The following ZNF518A variants were observed in gnomAD, a reference collection of about 807,000 sequenced individuals.
The protein encoded by ZNF518A is zinc finger protein 518A, also known as zinc finger protein 518.
Under a neutral mutation model 102.7 loss-of-function variants are expected in ZNF518A, and 47 were observed. That is an observed-to-expected ratio of 0.46 (90% confidence interval 0.36 to 0.58). The LOEUF is 0.58. Among genes scored for constraint, ZNF518A ranks in the 20% least tolerant of loss-of-function variants. The pLI is 0.00. For synonymous variants in ZNF518A, 652 were observed against 594.6 expected, an observed-to-expected ratio of 1.10 and a Z score of -1.40; for missense variants, 1,793 against 1,699.8, an observed-to-expected ratio of 1.05 and a Z score of -0.96.
intron 3 of ZNF518A, among the ~76,000 whole-genome samples, chr10:96,153,400 G>T (rs587602882): frequency 1.1e-3 from 167 of 152,258 alleles, no homozygotes; most frequent in South Asian, 4.6e-3. Context: ...ATCCAGTCAA[G>T]TTGATACCTA....
chr10:96,135,898 A>C (rs1554874258), intron 3 of ZNF518A, among the ~76,000 whole-genome samples: 2 of 152,226 alleles, frequency 1.3e-5, no homozygotes, highest in East Asian at 3.8e-4. Flanking sequence ...CCCATTTAGG[A>C]AGATTTCCTG....
At chr10:96,197,081 A>G in intron 1 of ZNF518A, 1 of 1,599,946 alleles carries the variant, frequency 6.3e-7, no homozygotes, top group Non-Finnish European at 8.5e-7. Flanking sequence ...ATTTTTTTTA[A>G]AAAACATAAT....
intron 1 of ZNF518A, among the ~76,000 whole-genome samples, chr10:96,175,344 C>T (rs2083196785): frequency 6.6e-6 from 1 of 152,232 alleles, no homozygotes; most frequent in Non-Finnish European, 1.5e-5. Context: ...TACATACCCA[C>T]AGGATGGGTC....
At chr10:96,205,161 C>T (rs2083764136), downstream of ZNF518A, 1 of 159,608 alleles carries the variant, frequency 6.3e-6, no homozygotes, top group African/African-American at 2.4e-5. Flanking sequence ...ACTTGCATTT[C>T]AGTGTTTTCC....
chr10:96,197,568 G>A (rs11188660), intron 1 of ZNF518A, among the ~76,000 whole-genome samples: 48,322 of 151,978 alleles, frequency 0.32, 8,883 homozygotes, highest in East Asian at 0.66. Context: ...GGACTCTCTT[G>A]AACTGGGAAC....
chr10:96,166,201 G>A (rs1335783177), downstream of ZNF518A, among the ~76,000 whole-genome samples: 3 of 152,160 alleles, frequency 2.0e-5, no homozygotes, highest in South Asian at 2.1e-4. Context: ...TGGATTGTGC[G>A]TCAATCACAT....
Position 96,158,928 on chromosome 10 carries a change from C to T in ZNF518A, c.2606C>T (p.Pro869Leu), listed in dbSNP as rs2082850170. ...FGKEKQVSSI[P>L]QDVRDSEKMP... ...AAAGAAAAACAAGTGTCATCAATAC[C>T]ACAAGATGTGAGAGATTCAGAGAAG... Residue 869 changes from proline to leucine, a missense_variant, in exon 6 of 6, where the codon CCA (proline) becomes CTA (leucine). Physicochemically the swap from Pro to Leu is moderately conservative, Grantham distance 98. Around this residue, in one of 3 missense-constraint regions of ZNF518A, gnomAD observed 1,741 missense variants for 1,622.6 expected, o/e 1.07. Coordinates refer to ENST00000316045, the MANE Select transcript of ZNF518A (RefSeq NM_001330736.2). The T allele has an allele frequency of 1.2e-6, 2 of 1,613,330 alleles. No homozygotes were observed. Among genetic ancestry groups the T allele is most frequent in the South Asian group, 1.1e-5 (1 of 91,034 alleles).
chr10:96,155,466 G>A (rs1349872258), intron 4 of ZNF518A, 90 bp downstream of exon 4: 2 of 152,188 alleles, frequency 1.3e-5, no homozygotes, highest in African/African-American at 2.4e-5. Context: ...CTTGAGTTCT[G>A]AGGATATAAA....
Position 96,160,847 on chromosome 10 carries a change from G to A in ZNF518A, c.*73G>A. ...AAACAACGGGTTCAGTTACCATAAT[G>A]CAGACATTTTCTACTTCAGTATAGT... On this transcript the variant is annotated 3_prime_UTR_variant, in exon 6 of 6. Transcript: ENST00000316045. 1 of 1,410,978 alleles carries A rather than the reference G, an allele frequency of 7.1e-7. No individual in the cohort carries two copies. Among genetic ancestry groups the A allele is most frequent in the South Asian group, 1.6e-5 (1 of 61,302 alleles). The allele number at this position is 1,410,978 out of a possible 1,614,324, so 87.4% of individuals were successfully genotyped here.
Position 96,158,309 on chromosome 10 carries a change from C to T in ZNF518A, c.1987C>T (p.Pro663Ser), listed in dbSNP as rs781838622. The part of the protein sequence containing the change: ...RFSGTAVYEN[P>S]QRESSSSKTV... ...TTCAGGAACAGCAGTGTATGAAAACCCTCAAAGAGAATCTTCATCCAGCAA... is the reference window on the plus strand; with the variant it reads ...TTCAGGAACAGCAGTGTATGAAAACTCTCAAAGAGAATCTTCATCCAGCAA... The change falls in exon 6 of 6, where the codon CCT becomes TCT. Residue 663 changes from proline (P) to serine (S), a missense_variant. Pro to Ser is a moderately conservative substitution (Grantham distance 74, BLOSUM62 -1). This residue lies in a region of ZNF518A where 1,741 missense variants were observed against 1,622.6 expected (regional missense o/e 1.07). Transcript: ENST00000316045. 4.3e-6 allele frequency: 7 copies of T among 1,613,532 alleles called. No individual in the cohort carries two copies. Among genetic ancestry groups the T allele is most frequent in the East Asian group, 2.2e-5 (1 of 44,856 alleles).
intron 1 of ZNF518A, among the ~76,000 whole-genome samples, chr10:96,171,923 C>G (rs1049077031): frequency 6.6e-6 from 1 of 152,026 alleles, no homozygotes; most frequent in Non-Finnish European, 1.5e-5. Flanking sequence ...AAAAATGATG[C>G]ATGGAACCCC....
chr10:96,165,871 C>G (rs2083135549), downstream of ZNF518A, among the ~76,000 whole-genome samples: 1 of 152,034 alleles, frequency 6.6e-6, no homozygotes, highest in African/African-American at 2.4e-5. Context: ...ATTATGGAGG[C>G]TAGGAAGTCC....
chr10:96,174,408 G>A (rs1052263573), intron 1 of ZNF518A, among the ~76,000 whole-genome samples: 36 of 152,174 alleles, frequency 2.4e-4, no homozygotes, highest in African/African-American at 8.4e-4. Context: ...CAACAAAATT[G>A]ACAAGCTTTA....
chr10:96,173,287 C>A (rs2133884958), intron 1 of ZNF518A, among the ~76,000 whole-genome samples: 2 of 151,510 alleles, frequency 1.3e-5, no homozygotes, highest in Non-Finnish European at 3.0e-5. Flanking sequence ...CAACCCCTGA[C>A]CAAGAGAGCT....
intron 1 of ZNF518A, chr10:96,191,939 C>T: frequency 6.2e-7 from 1 of 1,612,818 alleles, no homozygotes; most frequent in Non-Finnish European, 8.5e-7. Context: ...GGGAAAGTGT[C>T]TGAAGCAATG....
intron 3 of ZNF518A, among the ~76,000 whole-genome samples, chr10:96,139,610 C>G (rs587613721): frequency 3.9e-4 from 60 of 152,326 alleles, no homozygotes; most frequent in Middle Eastern, 3.4e-3. Context: ...GCAGCCAGAA[C>G]AGAGTAGGAC....
At position 96,158,657 on chromosome 10, in the gene ZNF518A, C is replaced by G; in HGVS notation, c.2335C>G (p.Leu779Val). Residue 779 changes from leucine (L) to valine (V), a missense_variant, in exon 6 of 6, where the codon CTG becomes GTG. This residue lies in a region of ZNF518A where 1,741 missense variants were observed against 1,622.6 expected (regional missense o/e 1.07). Coordinates refer to ENST00000316045, the MANE Select transcript of ZNF518A (RefSeq NM_001330736.2). Reference protein sequence around the residue: ...SLQSQQASEFLPPEVNQLLQD... With the variant: ...SLQSQQASEFVPPEVNQLLQD... ...CCAGAGCCAACAGGCATCAGAATTT[C>G]TGCCACCTGAAGTAAACCAATTGCT... is the stretch of plus-strand genomic sequence containing the variant. The G allele has an allele frequency of 1.2e-6, 2 of 1,613,286 alleles. No individual in the cohort carries two copies. Among genetic ancestry groups the G allele is most frequent in the African/African-American group, 1.3e-5 (1 of 75,022 alleles).
Position 96,163,679 on chromosome 10 carries a change from T to G in ZNF518A, c.*2905T>G, listed in dbSNP as rs1464683316. Reference sequence around the variant, plus strand: ...TCTAGTTTCTGTCCTAACTACTCAATTCTCATAATGCAGAAAAAAACCATA... The same window carrying G: ...TCTAGTTTCTGTCCTAACTACTCAAGTCTCATAATGCAGAAAAAAACCATA... On this transcript the variant is annotated 3_prime_UTR_variant, in exon 6 of 6. Coordinates refer to ENST00000316045, the MANE Select transcript of ZNF518A (RefSeq NM_001330736.2). The G allele has an allele frequency of 1.2e-5, 2 of 166,970 alleles. No individual in the cohort carries two copies. Among genetic ancestry groups the G allele is most frequent in the African/African-American group, 2.4e-5 (1 of 41,420 alleles). 10.3% of individuals were successfully genotyped at this position (166,970 alleles called of 1,614,324 possible).
At chr10:96,181,629 T>C (rs1554892039) in intron 1 of ZNF518A, among the ~76,000 whole-genome samples, 1 of 152,218 alleles carries the variant, frequency 6.6e-6, no homozygotes, top group Admixed American at 6.6e-5. Context: ...TTTTGTCAGG[T>C]GTGTCAAAGA....
Sources: gnomAD v4.1 joint callset for allele counts (sites outside exome capture counted in the v4.1 genomes callset) on GRCh38, gnomAD v4.1.1 for gene constraint, gnomAD v4.1.1 regional missense constraint, MANE v1.5 for transcripts, NCBI Gene and HGNC (gene_info 2026-07-23, HGNC 2026-07-21) for gene names.